SERGEF: variants seen among roughly 807,000 people sequenced by gnomAD.
The protein encoded by SERGEF is secretion regulating guanine nucleotide exchange factor.
In SERGEF, 51 loss-of-function variants were observed where a neutral mutation model predicts 50.0. The observed-to-expected ratio is 1.02, with a 90% CI of 0.81 to 1.29. The LOEUF (loss-of-function observed/expected upper bound fraction) is 1.29, where lower values mean the gene tolerates loss of function less well. Among genes scored for constraint, SERGEF ranks in the 50% most tolerant of loss-of-function variants. SERGEF has a pLI of 0.00. For synonymous variants in SERGEF, 205 were observed against 212.4 expected (o/e 0.97, Z 0.30); for missense variants, 521 against 557.0 (o/e 0.94, Z 0.65).
chr11:17,922,873 A>G (rs1852185134), intron 9 of SERGEF, among the ~76,000 whole-genome samples: 1 of 152,186 alleles, frequency 6.6e-6, no homozygotes, highest in Admixed American at 6.5e-5. Context: ...TGTCCTGGAA[A>G]AATTAGAATG....
intron 9 of SERGEF, among the ~76,000 whole-genome samples, chr11:17,886,870 T>C (rs945932544): frequency 2.6e-5 from 4 of 152,200 alleles, no homozygotes; most frequent in African/African-American, 9.6e-5. Flanking sequence ...GCAGTCCTGC[T>C]TCCTGGGGCC....
intron 10 of SERGEF, among the ~76,000 whole-genome samples, chr11:17,850,896 T>G (rs1039913213): frequency 6.6e-6 from 1 of 152,126 alleles, no homozygotes; most frequent in Non-Finnish European, 1.5e-5. Context: ...TTTATTTCAG[T>G]TTTCCAGAGG....
Position 18,008,073 on chromosome 11 carries a change from C to T in SERGEF, c.64G>A (p.Ala22Thr), listed in dbSNP as rs1242629573. ...AGGCCAAGTTGCCCATAGCTATTTG[C>T]ACCCTAGGGATGAATAAGCCAAGGA... ...PAAAALFAWG[A>T]NSYGQLGLGH... Residue 22 changes from alanine (A) to threonine (T), a missense_variant, in exon 2 of 11, where the codon GCA (alanine) becomes ACA (threonine). Coordinates refer to ENST00000265965, the MANE Select transcript of SERGEF (RefSeq NM_012139.4). 1 of 1,613,470 alleles carries T rather than the reference C, an allele frequency of 6.2e-7. No individual in the cohort carries two copies. Among genetic ancestry groups the T allele is most frequent in the Non-Finnish European group, 8.5e-7 (1 of 1,179,762 alleles).
chr11:17,914,358 C>G (rs746794280), intron 9 of SERGEF, among the ~76,000 whole-genome samples: 1 of 152,148 alleles, frequency 6.6e-6, no homozygotes. Flanking sequence ...TCAGAGATGA[C>G]GATTTAATGA....
At chr11:17,793,584 G>A (rs1394115831) in intron 10 of SERGEF, among the ~76,000 whole-genome samples, 2 of 152,196 alleles carry the variant, frequency 1.3e-5, no homozygotes, top group African/African-American at 2.4e-5. Context: ...CTCCCTAAGC[G>A]ACATGGAACA....
chr11:17,858,037 G>A (rs574455545), intron 10 of SERGEF, among the ~76,000 whole-genome samples: 14 of 152,310 alleles, frequency 9.2e-5, no homozygotes, highest in African/African-American at 3.4e-4. Context: ...TGTGCCTGCT[G>A]CAGGGAACAG....
intron 9 of SERGEF, among the ~76,000 whole-genome samples, chr11:17,883,322 C>A (rs1851370081): frequency 6.6e-6 from 1 of 152,152 alleles, no homozygotes; most frequent in Non-Finnish European, 1.5e-5. Flanking sequence ...ATAATTTAAG[C>A]AAAAATTGGA....
intron 10 of SERGEF, among the ~76,000 whole-genome samples, chr11:17,818,429 A>C (rs904834449): frequency 2.0e-5 from 3 of 152,216 alleles, no homozygotes; most frequent in African/African-American, 4.8e-5. Context: ...GGCTCCATAC[A>C]TATGTACCTT....
intron 10 of SERGEF, among the ~76,000 whole-genome samples, chr11:17,836,991 T>C (rs1267387822): frequency 6.6e-6 from 1 of 152,160 alleles, no homozygotes; most frequent in African/African-American, 2.4e-5. Context: ...GAATGAATCA[T>C]TCAGAAATAG....
chr11:18,000,682 C>T lies in SERGEF; in HGVS notation c.448-125G>A. 1.2e-5 allele frequency: 9 copies of T among 741,336 alleles called. 1 individual carries two copies. Among genetic ancestry groups the T allele is most frequent in the South Asian group, 1.0e-4 (7 of 66,776 alleles). The allele number at this position is 741,336 out of a possible 1,614,324, so 45.9% of individuals were successfully genotyped here. The stretch of plus-strand genomic sequence containing the variant: ...GTCTGACTGGTTTAAAGCAACCACT[C>T]CCCCCAATATTTCCACCCATTAATA... On this transcript the variant is annotated intron_variant, in intron 4 of 10. Transcript: ENST00000265965.
chr11:17,971,300 TAAGA>T (rs1853244911), intron 8 of SERGEF, among the ~76,000 whole-genome samples: 1 of 152,222 alleles, frequency 6.6e-6, no homozygotes, highest in Non-Finnish European at 1.5e-5. Context: ...AAGATCTAGC[TAAGA>T]AAATTGATAA....
intron 1 of SERGEF, among the ~76,000 whole-genome samples, chr11:18,009,617 A>G (rs980538193): frequency 1.3e-5 from 2 of 152,206 alleles, no homozygotes; most frequent in African/African-American, 4.8e-5. Context: ...GAGGCTGGCA[A>G]TGATCTCTAA....
intron 9 of SERGEF, among the ~76,000 whole-genome samples, chr11:17,953,461 C>T (rs1852807625): frequency 6.6e-6 from 1 of 152,214 alleles, no homozygotes; most frequent in Admixed American, 6.5e-5. Context: ...GTTCTGAGCA[C>T]CATATAGGCT....
At chr11:17,935,320 A>G (rs1852430044) in intron 9 of SERGEF, among the ~76,000 whole-genome samples, 1 of 152,084 alleles carries the variant, frequency 6.6e-6, no homozygotes, top group South Asian at 2.1e-4. Flanking sequence ...CACACACAAA[A>G]AATTTTTTTT....
At chr11:17,983,948 G>A (rs1853544206) in intron 8 of SERGEF, among the ~76,000 whole-genome samples, 1 of 152,164 alleles carries the variant, frequency 6.6e-6, no homozygotes, top group Non-Finnish European at 1.5e-5. Flanking sequence ...GCTTTCAAGG[G>A]ACCAAGCAAA....
At chr11:17,906,272 C>T (rs994082161) in intron 9 of SERGEF, among the ~76,000 whole-genome samples, 6 of 152,192 alleles carry the variant, frequency 3.9e-5, no homozygotes, top group Non-Finnish European at 8.8e-5. Flanking sequence ...CTCTCAAACC[C>T]AGTTTCAGCC....
chr11:18,007,567 G>A (rs1590250321), intron 2 of SERGEF, among the ~76,000 whole-genome samples: 1 of 152,250 alleles, frequency 6.6e-6, no homozygotes, highest in East Asian at 1.9e-4. Flanking sequence ...AGATTAAGGG[G>A]AACACACAGT....
chr11:17,821,510 A>C (rs1565176430), intron 10 of SERGEF, among the ~76,000 whole-genome samples: 1 of 152,128 alleles, frequency 6.6e-6, no homozygotes, highest in Non-Finnish European at 1.5e-5. Flanking sequence ...TGCTCCATAC[A>C]TTTTTTTAAA....
intron 9 of SERGEF, among the ~76,000 whole-genome samples, chr11:17,955,456 G>A (rs1347848770): frequency 6.6e-6 from 1 of 152,180 alleles, no homozygotes; most frequent in Non-Finnish European, 1.5e-5. Flanking sequence ...CAAGAAGGAG[G>A]TAAATGTCAG....
Sources: gnomAD v4.1 joint callset for allele counts (sites outside exome capture counted in the v4.1 genomes callset) on GRCh38, gnomAD v4.1.1 for gene constraint, MANE v1.5 for transcripts, NCBI Gene and HGNC (gene_info 2026-07-23, HGNC 2026-07-21) for gene names.